The following KAT7 variants were observed in gnomAD, a reference collection of about 807,000 sequenced individuals.
KAT7 encodes lysine acetyltransferase 7.
Under a neutral mutation model 82.1 loss-of-function variants are expected in KAT7, and 10 were observed. The ratio of observed to expected loss-of-function variants is 0.12; its 90% CI spans 0.08 to 0.21. KAT7 has a LOEUF of 0.21. Ranked by LOEUF, KAT7 falls within the 10% of genes least tolerant of loss-of-function variation. KAT7 has a pLI of 1.00. For synonymous variants in KAT7, 250 were observed against 262.5 expected (o/e 0.95, Z 0.46); for missense variants, 378 against 760.9 (o/e 0.50, Z 5.92).
At position 49,831,407 on chromosome 17, in the gene KAT7, T is replaced by C. The variant is rs2074423811; in HGVS notation, c.*3905T>C. 1 of 152,212 alleles carries C rather than the reference T, an allele frequency of 6.6e-6. No individual in the cohort carries two copies. Among genetic ancestry groups the C allele is most frequent in the African/African-American group, 2.4e-5 (1 of 41,454 alleles). 9.4% of individuals were successfully genotyped at this position (152,212 alleles called of 1,614,324 possible). A position where few individuals can be genotyped will look rare whatever the true frequency, so the allele number is the denominator to read the frequency against. ...TGTTTCTGATTTAGGAATAAACTGT[T>C]CAGTAAGCACTGTCCCTTTACTTCC... On this transcript the variant is annotated 3_prime_UTR_variant, in exon 15 of 15. Transcript: ENST00000259021.
chr17:49,813,542 C>T (rs539844531), intron 7 of KAT7, among the ~76,000 whole-genome samples: 16 of 152,230 alleles, frequency 1.1e-4, no homozygotes, highest in Admixed American at 3.3e-4. Context: ...CCCTTCGTAT[C>T]CATGGATTTT....
intron 11 of KAT7, 63 bp from the exon 12 acceptor site, chr17:49,823,139 A>T: frequency 1.1e-6 from 1 of 910,148 alleles, no homozygotes; most frequent in Non-Finnish European, 1.8e-6. Flanking sequence ...GCATCTGTGG[A>T]AGTGCTGAAA....
chr17:49,795,347 T>A, intron 2 of KAT7: 1 of 189,470 alleles, frequency 5.3e-6, no homozygotes. Context: ...ACCACGATGG[T>A]GTTGTTGGAG....
rs2074442193 is a variant in KAT7, at chr17:49,833,751, C to T, written c.*6249C>T. 1 of 152,198 alleles carries T rather than the reference C, an allele frequency of 6.6e-6. No individual in the cohort carries two copies. The allele number at this position is 152,198 out of a possible 1,614,324, so 9.4% of individuals were successfully genotyped here. A position where few individuals can be genotyped will look rare whatever the true frequency, so the allele number is the denominator to read the frequency against. On this transcript the variant is annotated 3_prime_UTR_variant, in exon 15 of 15. Transcript: ENST00000259021. ...CCCTCATGAGTGGCCCTTGCTGGTACCACATGACACTAAAGACATCTAGCT... is the reference window on the plus strand; with the variant it reads ...CCCTCATGAGTGGCCCTTGCTGGTATCACATGACACTAAAGACATCTAGCT...
chr17:49,811,482 A>T lies in KAT7; in HGVS notation c.760A>T (p.Thr254Ser). Residue 254 changes from threonine to serine, a missense_variant, in exon 7 of 15, where the codon ACG becomes TCG. Physicochemically the swap from Thr to Ser is moderately conservative, Grantham distance 58 (BLOSUM62 1). This residue lies in a region of KAT7 where 102 missense variants were observed against 129.8 expected (regional missense o/e 0.79). Coordinates refer to ENST00000259021, the MANE Select transcript of KAT7 (RefSeq NM_007067.5). ...NRHATRHQAP[T>S]ERQLRYKEKV... Reference sequence around the variant, plus strand: ...TTCTCCTTTTTCCTTTTAGGCACCAACGGAGAGACAGCTTCGATATAAGGA... The same window carrying T: ...TTCTCCTTTTTCCTTTTAGGCACCATCGGAGAGACAGCTTCGATATAAGGA... 1.3e-6 allele frequency: 2 copies of T among 1,504,228 alleles called. No individual in the cohort carries two copies. Among genetic ancestry groups the T allele is most frequent in the Non-Finnish European group, 1.8e-6 (2 of 1,110,360 alleles). 93.2% of individuals were successfully genotyped at this position (1,504,228 alleles called of 1,614,324 possible). A position where few individuals can be genotyped will look rare whatever the true frequency, so the allele number is the denominator to read the frequency against.
At chr17:49,813,184 C>T (rs2074191398) in intron 7 of KAT7, among the ~76,000 whole-genome samples, 1 of 152,062 alleles carries the variant, frequency 6.6e-6, no homozygotes, top group Non-Finnish European at 1.5e-5. Context: ...TCCGCCTCCC[C>T]ACTCTTGGAA....
chr17:49,788,963 C>T (rs1425601141), intron 1 of KAT7, 114 bp downstream of exon 1: 3 of 970,982 alleles, frequency 3.1e-6, no homozygotes, highest in South Asian at 3.6e-5. Context: ...TCCCCCGAAC[C>T]TTGTTCAGCT....
chr17:49,820,321 TCTGTCACTTAGG>T (rs2074286666), intron 9 of KAT7, among the ~76,000 whole-genome samples: 1 of 151,688 alleles, frequency 6.6e-6, no homozygotes, highest in African/African-American at 2.4e-5. Context: ...AGAGTCTCGC[TCTGTCACTTAGG>T]CTGGAGTGCA....
intron 8 of KAT7, 95 bp from the exon 9 acceptor site, chr17:49,817,725 C>T: frequency 8.0e-6 from 8 of 998,592 alleles, no homozygotes; most frequent in Non-Finnish European, 1.2e-5. Context: ...CCTCAGCCTC[C>T]CAAAGTGTTG....
At chr17:49,825,704 G>C (rs1767940358) in intron 12 of KAT7, among the ~76,000 whole-genome samples, 1 of 152,200 alleles carries the variant, frequency 6.6e-6, no homozygotes. Flanking sequence ...AAAATACATA[G>C]TATATATAGG....
At chr17:49,807,978 T>G (rs897490386) in intron 5 of KAT7, among the ~76,000 whole-genome samples, 7 of 152,136 alleles carry the variant, frequency 4.6e-5, no homozygotes, top group African/African-American at 7.2e-5. Flanking sequence ...TTCTGAGTTT[T>G]AGTGGTGAAG....
intron 4 of KAT7, among the ~76,000 whole-genome samples, chr17:49,799,455 A>C (rs1233221165): frequency 6.6e-6 from 1 of 151,682 alleles, no homozygotes; most frequent in African/African-American, 2.4e-5. Context: ...ATCTCGGCTC[A>C]CTGCAACCTC....
At chr17:49,825,599 T>TTA (rs1389531996) in intron 12 of KAT7, among the ~76,000 whole-genome samples, 1 of 150,738 alleles carries the variant, frequency 6.6e-6, no homozygotes. Context: ...ATAACTTTTA[T>TTA]TACAGTATAT....
At chr17:49,806,433 A>G (rs1435234428) in intron 5 of KAT7, among the ~76,000 whole-genome samples, 1 of 152,208 alleles carries the variant, frequency 6.6e-6, no homozygotes, top group Non-Finnish European at 1.5e-5. Flanking sequence ...AAATCATTTT[A>G]TAAGTGGCAA....
rs925033274 is a variant in KAT7 at position 49,823,339 on chromosome 17, A to C, written c.1480+44A>C. ...TCATTAGTTCCACAAGGCAGGGACC[A>C]TGTGAATATTGTTTGTCTTTTTGTC... is the stretch of plus-strand genomic sequence containing the variant. On this transcript the variant is annotated intron_variant, in intron 12 of 14. Transcript: ENST00000259021. 8 of 1,027,350 alleles carry C rather than the reference A, an allele frequency of 7.8e-6. No individual in the cohort carries two copies. In the African/African-American group the frequency reaches 1.1e-4, roughly 14 times the overall value. 63.6% of individuals were successfully genotyped at this position (1,027,350 alleles called of 1,614,324 possible).
intron 12 of KAT7, chr17:49,824,520 C>A (rs1284766345): frequency 6.6e-6 from 1 of 152,230 alleles, no homozygotes; most frequent in Non-Finnish European, 1.5e-5. Context: ...CCACCACGCC[C>A]AGCTAATTTT....
At chr17:49,789,149 C>T (rs893538934) in intron 1 of KAT7, 2 of 283,080 alleles carry the variant, frequency 7.1e-6, no homozygotes, top group African/African-American at 2.2e-5. Flanking sequence ...TTGGGCTCAA[C>T]GGTCACCTCC....
chr17:49,799,519 T>C (rs997835484), intron 4 of KAT7, among the ~76,000 whole-genome samples: 2 of 152,158 alleles, frequency 1.3e-5, no homozygotes, highest in Admixed American at 1.3e-4. Context: ...TAGTTGGGAT[T>C]ACAGATGCCC....
chr17:49,803,590 A>G (rs2074053012), intron 4 of KAT7, among the ~76,000 whole-genome samples: 1 of 151,566 alleles, frequency 6.6e-6, no homozygotes, highest in East Asian at 2.0e-4. Context: ...ACACCCGGCT[A>G]ATTTTTTGTA....
Sources: gnomAD v4.1 joint callset for allele counts (sites outside exome capture counted in the v4.1 genomes callset) on GRCh38, gnomAD v4.1.1 for gene constraint, gnomAD v4.1.1 regional missense constraint, MANE v1.5 for transcripts, NCBI Gene and HGNC (gene_info 2026-07-23, HGNC 2026-07-21) for gene names.